The following ERBIN variants were observed in gnomAD, a reference collection of about 807,000 sequenced individuals.
The protein encoded by ERBIN is erbb2 interacting protein.
Under a neutral mutation model 158.4 loss-of-function variants are expected in ERBIN, and 60 were observed. The observed-to-expected ratio is 0.38, with a 90% CI of 0.31 to 0.47. ERBIN has a LOEUF of 0.47. ERBIN is among the 20% of genes least tolerant of loss of function. The pLI is 0.99. For synonymous variants in ERBIN, 594 were observed against 557.2 expected (o/e 1.07, Z -0.93); for missense variants, 1,610 against 1,648.0 (o/e 0.98, Z 0.40).
chr5:66,010,273 C>G (rs903457451), intron 4 of ERBIN, among the ~76,000 whole-genome samples: 1 of 151,956 alleles, frequency 6.6e-6, no homozygotes, highest in Non-Finnish European at 1.5e-5. Context: ...TGATTAAATT[C>G]AGGTTGTGTG....
At chr5:66,024,506 A>G (rs1756028802) in intron 10 of ERBIN, 56 bp downstream of exon 10, 4 of 1,496,696 alleles carry the variant, frequency 2.7e-6, no homozygotes, top group African/African-American at 1.4e-5. Context: ...CGAGACTTCC[A>G]CATAATCTCA....
At chr5:66,063,870 AC>A (rs1397520485) in intron 21 of ERBIN, among the ~76,000 whole-genome samples, 3 of 152,210 alleles carry the variant, frequency 2.0e-5, no homozygotes, top group Non-Finnish European at 4.4e-5. Flanking sequence ...TTATATACAC[AC>A]TTATATACGT....
chr5:65,948,837 C>T (rs1006230360), intron 1 of ERBIN, among the ~76,000 whole-genome samples: 10 of 141,272 alleles, frequency 7.1e-5, no homozygotes, highest in South Asian at 2.3e-4. Context: ...AATTTCAGCT[C>T]GCTGCAGCCT....
chr5:66,039,170 G>T (rs1757697251), intron 15 of ERBIN, among the ~76,000 whole-genome samples: 1 of 151,868 alleles, frequency 6.6e-6, no homozygotes, highest in Non-Finnish European at 1.5e-5. Flanking sequence ...AAGAAAAAAT[G>T]TAAATCAGTC....
intron 15 of ERBIN, among the ~76,000 whole-genome samples, chr5:66,039,148 A>C (rs1366599586): frequency 2.0e-5 from 3 of 152,116 alleles, no homozygotes; most frequent in African/African-American, 4.8e-5. Context: ...TTCTTAGTAC[A>C]TAGAAACACT....
In ERBIN at chr5:66,082,170, A is replaced by T. The variant is rs978020946; in HGVS notation, c.*3640A>T. ...TAACGTACAGTCCTAATATCCAACC[A>T]CCTGAGAAGCTCATCCTAAGCTGAG... On this transcript the variant is annotated 3_prime_UTR_variant, in exon 26 of 26. Transcript: ENST00000284037. 6.6e-6 allele frequency: 1 copy of T among 152,166 alleles called. No homozygotes were observed. Among genetic ancestry groups the T allele is most frequent in the African/African-American group, 2.4e-5 (1 of 41,432 alleles). 9.4% of individuals were successfully genotyped at this position (152,166 alleles called of 1,614,324 possible). A position where few individuals can be genotyped will look rare whatever the true frequency, so the allele number is the denominator to read the frequency against.
At chr5:66,033,577 C>G (rs972918605) in intron 14 of ERBIN, among the ~76,000 whole-genome samples, 3 of 152,068 alleles carry the variant, frequency 2.0e-5, no homozygotes, top group African/African-American at 7.2e-5. Flanking sequence ...TTATATTTGG[C>G]AGCTAGCTAA....
intron 14 of ERBIN, among the ~76,000 whole-genome samples, chr5:66,030,594 AC>A (rs1209625424): frequency 8.1e-6 from 1 of 123,958 alleles, no homozygotes; most frequent in African/African-American, 3.2e-5. Context: ...GCGGGGTCTT[AC>A]TCTGTCATCT....
intron 1 of ERBIN, among the ~76,000 whole-genome samples, chr5:65,945,150 G>A (rs931437484): frequency 6.6e-6 from 1 of 152,186 alleles, no homozygotes; most frequent in Non-Finnish European, 1.5e-5. Context: ...ATTTCAAAAT[G>A]TATGCAGGTT....
At position 65,999,788 on chromosome 5, in the gene ERBIN, T is replaced by G. The variant is rs555664937; in HGVS notation, c.307+4924T>G. Among the ~76,000 whole-genome samples the G allele has an allele frequency of 1.4e-3, 215 of 152,340 alleles. 1 individual carries two copies. Among genetic ancestry groups the G allele is most frequent in the African/African-American group, 5.0e-3 (209 of 41,578 alleles). On this transcript the variant is annotated intron_variant, in intron 4 of 25. Transcript: ENST00000284037. ...GTTTCAGACTTTTCCTTGAGGGCAG[T>G]GTGAAATTTGTGTTTCCATCCCTAG...
At chr5:66,024,594 G>A (rs990323919) in intron 10 of ERBIN, 144 bp downstream of exon 10, 1 of 722,018 alleles carries the variant, frequency 1.4e-6, no homozygotes, top group Admixed American at 3.7e-5. Context: ...GGTGTGATCA[G>A]TTGTACAGTT....
Position 66,048,578 on chromosome 5 carries a change from G to A in ERBIN, c.1789-89G>A, listed in dbSNP as rs114296398. ...GGTTTAATATGTGTTTATAATATTT[G>A]TTTTCCCTTTAAAGTCTTATGACTT... On this transcript the variant is annotated intron_variant, in intron 18 of 25. Coordinates refer to ENST00000284037, the MANE Select transcript of ERBIN (RefSeq NM_001253697.2). 5.1e-3 allele frequency: 3,736 copies of A among 732,366 alleles called. 110 individuals are homozygous for A. The African/African-American group carries it at 0.061, about 12-fold the overall frequency. 45.4% of individuals were successfully genotyped at this position (732,366 alleles called of 1,614,324 possible). A position where few individuals can be genotyped will look rare whatever the true frequency, so the allele number is the denominator to read the frequency against.
At chr5:65,952,364 A>T (rs937198715) in intron 1 of ERBIN, among the ~76,000 whole-genome samples, 1 of 152,082 alleles carries the variant, frequency 6.6e-6, no homozygotes, top group African/African-American at 2.4e-5. Flanking sequence ...TTTATTTTTT[A>T]AAGAGATGGG....
At chr5:65,988,212 G>GT (rs1191461611) in intron 1 of ERBIN, among the ~76,000 whole-genome samples, 1 of 140,612 alleles carries the variant, frequency 7.1e-6, no homozygotes, top group African/African-American at 3.3e-5. Context: ...CTCTAAAAAA[G>GT]TTTTTTTAAA....
chr5:65,938,057 T>C (rs896770752), intron 1 of ERBIN, among the ~76,000 whole-genome samples: 9 of 152,244 alleles, frequency 5.9e-5, no homozygotes, highest in East Asian at 1.9e-4. Context: ...TGATGCCCTT[T>C]AGTGGCATTT....
At chr5:66,040,457 AT>A (rs1443747382) in intron 15 of ERBIN, among the ~76,000 whole-genome samples, 1 of 151,866 alleles carries the variant, frequency 6.6e-6, no homozygotes, top group African/African-American at 2.4e-5. Flanking sequence ...CCACTACTAA[AT>A]TTTGATTTTG....
intron 1 of ERBIN, among the ~76,000 whole-genome samples, chr5:65,952,996 A>G (rs1435271903): frequency 6.6e-6 from 1 of 152,214 alleles, no homozygotes; most frequent in Non-Finnish European, 1.5e-5. Flanking sequence ...TAAGTATACC[A>G]TAATAAGACC....
chr5:66,043,191 C>T lies in ERBIN; in HGVS notation c.1421C>T (p.Pro474Leu). Residue 474 changes from proline (P) to leucine (L), a missense_variant, in exon 16 of 26, where the codon CCT (proline) becomes CTT (leucine). By Grantham distance (98) the Pro-to-Leu change is moderately conservative (BLOSUM62 -3). Coordinates refer to ENST00000284037, the MANE Select transcript of ERBIN (RefSeq NM_001253697.2). ...CDEDKDEREA[P>L]PREGNLKRYP... The stretch of plus-strand genomic sequence containing the variant: ...GAAGACAAAGATGAAAGGGAGGCAC[C>T]TCCCAGGGTGAGTCTGTTCTTTATT... 6.2e-7 allele frequency: 1 copy of T among 1,612,842 alleles called. No homozygotes were observed. The highest frequency in any genetic ancestry group is 2.2e-5 in the East Asian group (1 of 44,780).
chr5:66,062,210 G>A (rs1760471503), intron 21 of ERBIN, among the ~76,000 whole-genome samples: 1 of 152,230 alleles, frequency 6.6e-6, no homozygotes, highest in African/African-American at 2.4e-5. Flanking sequence ...TTTTCACATA[G>A]TCCCATATTT....
Sources: gnomAD v4.1 joint callset for allele counts (sites outside exome capture counted in the v4.1 genomes callset) on GRCh38, gnomAD v4.1.1 for gene constraint, MANE v1.5 for transcripts, NCBI Gene and HGNC (gene_info 2026-07-23, HGNC 2026-07-21) for gene names.